Variants in NAGA observed in about 807,000 individuals in gnomAD.
The protein encoded by NAGA is Acetylgalactosaminidase, alpha-N- (alpha-galactosidase B).
Under a neutral mutation model 45.6 loss-of-function variants are expected in NAGA, and 42 were observed. The observed-to-expected ratio is 0.92, with a 90% CI of 0.72 to 1.19. The LOEUF is 1.19. Among genes scored for constraint, NAGA ranks in the 50% most tolerant of loss-of-function variants. The pLI is 0.00. For synonymous variants in NAGA, 176 were observed against 203.1 expected, an observed-to-expected ratio of 0.87 and a Z score of 1.13; for missense variants, 493 against 544.8, an observed-to-expected ratio of 0.90 and a Z score of 0.95.
intron 3 of NAGA, 142 bp from the exon 4 acceptor site, chr22:42,067,432 C>A: frequency 1.9e-6 from 2 of 1,026,750 alleles, no homozygotes; most frequent in Non-Finnish European, 2.9e-6. Context: ...CCGGCCTCTG[C>A]CCATGATGGC....
rs764955607 is a variant in NAGA at position 42,060,951 on chromosome 22, C to T, written c.1074G>A (p.Leu358=). Residue 358 remains leucine (L), a synonymous_variant, in exon 8 of 9, where the codon CTG becomes CTA. Transcript: ENST00000396398. ...PYRYHSSLGQ[L]NFTGSVIYEA... Reference sequence around the variant, plus strand: ...CATATATCACAGACCCGGTGAAGTTCAGCTGGCCAAGGGAGGAGTGGTAGC... The same window carrying T: ...CATATATCACAGACCCGGTGAAGTTTAGCTGGCCAAGGGAGGAGTGGTAGC... 3 of 1,614,236 alleles carry T rather than the reference C, an allele frequency of 1.9e-6. No homozygotes were observed. Among genetic ancestry groups the T allele is most frequent in the Non-Finnish European group, 2.5e-6 (3 of 1,180,044 alleles).
At chr22:42,062,356 C>T (rs1305891308) in intron 7 of NAGA, among the ~76,000 whole-genome samples, 1 of 152,112 alleles carries the variant, frequency 6.6e-6, no homozygotes, top group African/African-American at 2.4e-5. Context: ...GTGCCAGCTA[C>T]TCAGGAGGCT....
Position 42,066,672 on chromosome 22 carries a change from G to A in NAGA, c.597+38C>T, listed in dbSNP as rs1373755489. ...ACTCAGGAGGTAAGGAGGCCTGGGT[G>A]TGGGAAGCGCCATCAGGCAGGGGGC... On this transcript the variant is annotated intron_variant, in intron 5 of 8. Transcript: ENST00000396398. 7 of 1,548,958 alleles carry A rather than the reference G, an allele frequency of 4.5e-6. No homozygotes were observed. The South Asian group carries it at 5.9e-5, about 13-fold the overall frequency.
Position 42,067,130 on chromosome 22 carries a change from G to C in NAGA, c.485C>G (p.Pro162Arg). 3 of 1,614,050 alleles carry C rather than the reference G, an allele frequency of 1.9e-6. No homozygotes were observed. The highest frequency in any genetic ancestry group is 2.5e-6 in the Non-Finnish European group (3 of 1,180,000). Residue 162 changes from proline (P) to arginine (R), a missense_variant, in exon 4 of 9, where the codon CCC becomes CGC. Pro to Arg is a moderately radical substitution (Grantham distance 103). Coordinates refer to ENST00000396398, the MANE Select transcript of NAGA (RefSeq NM_000262.3). ...MLKLDGCFST[P>R]EERAQGYPKM... ...TAACTCACCCTGGGCCCGCTCCTCG[G>C]GGGTGGAGAAGCAGCCATCCAGCTT...
chr22:42,061,469 T>G (rs1204001244), intron 7 of NAGA, among the ~76,000 whole-genome samples: 1 of 152,228 alleles, frequency 6.6e-6, no homozygotes, highest in African/African-American at 2.4e-5. Flanking sequence ...CAGTGAACTC[T>G]GTTCCAGGAG....
At chr22:42,066,474 C>T (rs1433887062) in intron 5 of NAGA, among the ~76,000 whole-genome samples, 1 of 152,236 alleles carries the variant, frequency 6.6e-6, no homozygotes, top group Non-Finnish European at 1.5e-5. Flanking sequence ...TCACAAGGGC[C>T]TCTTCTCTAA....
intron 7 of NAGA, among the ~76,000 whole-genome samples, chr22:42,061,661 GCAGA>G (rs1926400937): frequency 6.6e-6 from 1 of 152,184 alleles, no homozygotes; most frequent in Admixed American, 6.5e-5. Context: ...AAGAGCAAAG[GCAGA>G]CAGGCACAGT....
intron 1 of NAGA, 30 bp downstream of exon 1, chr22:42,070,252 C>A: frequency 1.2e-6 from 2 of 1,614,138 alleles, no homozygotes; most frequent in Non-Finnish European, 1.7e-6. Flanking sequence ...CACCCCTACC[C>A]TTCCAAGCCA....
chr22:42,070,163 T>A, intron 1 of NAGA, 119 bp downstream of exon 1: 1 of 1,183,950 alleles, frequency 8.4e-7, no homozygotes. Flanking sequence ...CCTGCCCAGC[T>A]CTAAGTAAAA....
Position 42,070,158 on chromosome 22 carries a change from C to G in NAGA, c.16+124G>C, listed in dbSNP as rs184937711. 6.9e-4 allele frequency: 790 copies of G among 1,145,132 alleles called. 11 individuals carry two copies. Among genetic ancestry groups the G allele is most frequent in the Middle Eastern group, 3.9e-3 (20 of 5,116 alleles). 70.9% of individuals were successfully genotyped at this position (1,145,132 alleles called of 1,614,324 possible). A position where few individuals can be genotyped will look rare whatever the true frequency, so the allele number is the denominator to read the frequency against. ...GGGGAAGCATCTCCTCCCTTCCTGC[C>G]CAGCTCTAAGTAAAAGAGAGAGGAA... On this transcript the variant is annotated intron_variant, in intron 1 of 8. Coordinates refer to ENST00000396398, the MANE Select transcript of NAGA (RefSeq NM_000262.3).
In NAGA at chr22:42,070,304, G is replaced by A; in HGVS notation, c.-7C>T. On this transcript the variant is annotated 5_prime_UTR_variant, in exon 1 of 9. Transcript: ENST00000396398. ...TACCTGTCTTCAGCAGCATCGCTCT[G>A]GACTCAGCTTCCGAGGACCTGACCA... is the stretch of plus-strand genomic sequence containing the variant. The A allele has an allele frequency of 1.9e-6, 3 of 1,614,202 alleles. No homozygotes were observed. In the African/African-American group the frequency reaches 4.0e-5, roughly 22 times the overall value.
At chr22:42,069,725 C>G (rs1926942031) in intron 1 of NAGA, among the ~76,000 whole-genome samples, 1 of 151,944 alleles carries the variant, frequency 6.6e-6, no homozygotes, top group Admixed American at 6.6e-5. Flanking sequence ...ATATTTCATG[C>G]AATTTACTGA....
At position 42,065,784 on chromosome 22, in the gene NAGA, A is replaced by G. The variant is rs1157959457; in HGVS notation, c.713T>C (p.Ile238Thr). 3.1e-6 allele frequency: 5 copies of G among 1,613,996 alleles called. No individual in the cohort carries two copies. Among genetic ancestry groups the G allele is most frequent in the Non-Finnish European group, 4.2e-6 (5 of 1,180,030 alleles). ...CCCAGGGCCGGCCACTGGCTGCAGT[A>G]TGTCCTGGTGCTCCACGAACCAATT... The part of the protein sequence containing the change: ...ILNWFVEHQD[I>T]LQPVAGPGHW... Residue 238 changes from isoleucine (I) to threonine (T), a missense_variant, in exon 6 of 9, where the codon ATA becomes ACA. Physicochemically the swap from Ile to Thr is moderately conservative, Grantham distance 89. Coordinates refer to ENST00000396398, the MANE Select transcript of NAGA (RefSeq NM_000262.3).
chr22:42,067,385 T>A, intron 3 of NAGA, 95 bp from the exon 4 acceptor site: 1 of 1,478,970 alleles, frequency 6.8e-7, no homozygotes, highest in South Asian at 1.1e-5. Context: ...CTCCAGTGGC[T>A]CCCACGGACC....
chr22:42,069,833 T>C (rs565992603), intron 1 of NAGA, among the ~76,000 whole-genome samples: 8 of 152,216 alleles, frequency 5.3e-5, no homozygotes, highest in Non-Finnish European at 8.8e-5. Flanking sequence ...TCGGGACCAT[T>C]GGCCAGACTC....
In NAGA at chr22:42,067,245, T is replaced by C; in HGVS notation, c.370A>G (p.Asn124Asp). The C allele has an allele frequency of 1.9e-6, 3 of 1,614,130 alleles. No homozygotes were observed. Among genetic ancestry groups the C allele is most frequent in the Non-Finnish European group, 2.5e-6 (3 of 1,180,018 alleles). Residue 124 changes from asparagine to aspartate, a missense_variant, in exon 4 of 9, where the codon AAC (asparagine) becomes GAC (aspartate). Asn to Asp is a conservative substitution (Grantham distance 23). Transcript: ENST00000396398. The part of the protein sequence containing the change: ...LKLGIYADMG[N>D]FTCMGYPGTT... ...CCTGGGTAACCCATGCAGGTGAAGTTGCCCATGTCCGCGTAGATACCCAAC... is the reference window on the plus strand; with the variant it reads ...CCTGGGTAACCCATGCAGGTGAAGTCGCCCATGTCCGCGTAGATACCCAAC...
intron 3 of NAGA, 128 bp from the exon 4 acceptor site, chr22:42,067,418 T>C: frequency 1.7e-6 from 2 of 1,210,062 alleles, no homozygotes; most frequent in East Asian, 2.5e-5. Flanking sequence ...CCCAGCATGC[T>C]GGCCCGGCCT....
intron 6 of NAGA, among the ~76,000 whole-genome samples, chr22:42,063,850 T>TA (rs142585042): frequency 0.024 from 3,626 of 152,298 alleles, 139 homozygotes; most frequent in African/African-American, 0.083. Context: ...GCCCAGGAGT[T>TA]AGAGACCATC....
At position 42,070,667 on chromosome 22, in the gene NAGA, G is replaced by A. The variant is rs1298703286; in HGVS notation, c.-370C>T. ...GGTCACCAAGAAAGAGCGGAGGGGC[G>A]GGGCTGCGGCCAGGCTCCGGACTTC... On this transcript the variant is annotated 5_prime_UTR_variant, in exon 1 of 9. Coordinates refer to ENST00000396398, the MANE Select transcript of NAGA (RefSeq NM_000262.3). The A allele has an allele frequency of 5.5e-6, 2 of 361,172 alleles. No homozygotes were observed. The highest frequency in any genetic ancestry group is 4.2e-5 in the African/African-American group (2 of 47,984). 22.4% of individuals were successfully genotyped at this position (361,172 alleles called of 1,614,324 possible).
Sources: gnomAD v4.1 joint callset for allele counts (sites outside exome capture counted in the v4.1 genomes callset) on GRCh38, gnomAD v4.1.1 for gene constraint, MANE v1.5 for transcripts, NCBI Gene and HGNC (gene_info 2026-07-23, HGNC 2026-07-21) for gene names.